Variants in PDE4D observed in about 807,000 individuals in gnomAD.
PDE4D encodes the protein phosphodiesterase 4D, also known as 3',5'-cyclic-AMP phosphodiesterase 4D.
Under a neutral mutation model 87.4 loss-of-function variants are expected in PDE4D, and 24 were observed. The ratio of observed to expected loss-of-function variants is 0.27; its 90% confidence interval spans 0.20 to 0.39. The LOEUF is 0.39. PDE4D is among the 10% of genes least tolerant of loss of function. The pLI, the probability that PDE4D is intolerant of heterozygous loss-of-function variation, is 1.00. For missense variants in PDE4D, 714 were observed against 1,041.0 expected, an observed-to-expected ratio of 0.69 and a Z score of 4.32; for synonymous variants, 384 against 383.2, an observed-to-expected ratio of 1.00 and a Z score of -0.02.
chr5:60,269,780 G>A (rs1201766447), intron 1 of PDE4D, among the ~76,000 whole-genome samples: 3 of 152,250 alleles, frequency 2.0e-5, no homozygotes, highest in South Asian at 2.1e-4. Context: ...ATTTCACAAT[G>A]TATACATGTA....
intron 2 of PDE4D, among the ~76,000 whole-genome samples, chr5:60,016,116 G>A (rs1765494452): frequency 6.6e-6 from 1 of 151,824 alleles, no homozygotes; most frequent in Admixed American, 6.6e-5. Context: ...AGATATAGCA[G>A]GTACAGTTTC....
At chr5:59,936,899 G>T (rs1268202177) in intron 3 of PDE4D, among the ~76,000 whole-genome samples, 3 of 152,134 alleles carry the variant, frequency 2.0e-5, no homozygotes, top group African/African-American at 7.2e-5. Flanking sequence ...GAGTTCCAAG[G>T]TTGAGGAGAA....
chr5:60,247,751 G>C (rs1747960477), intron 1 of PDE4D, among the ~76,000 whole-genome samples: 1 of 151,830 alleles, frequency 6.6e-6, no homozygotes, highest in African/African-American at 2.4e-5. Flanking sequence ...ACACAAGACA[G>C]AGACAGAGAA....
intron 1 of PDE4D, among the ~76,000 whole-genome samples, chr5:60,514,220 A>T (rs765582280): frequency 1.1e-4 from 16 of 152,042 alleles, no homozygotes; most frequent in Non-Finnish European, 1.8e-4. Flanking sequence ...AAGCAAATAA[A>T]CTTGTTTATA....
At chr5:59,014,195 G>A (rs1022401207) in intron 6 of PDE4D, among the ~76,000 whole-genome samples, 4 of 152,118 alleles carry the variant, frequency 2.6e-5, no homozygotes, top group Non-Finnish European at 5.9e-5. Flanking sequence ...ATATCATACT[G>A]AATGGGCAAA....
At chr5:59,753,746 G>A (rs1242008764) in intron 1 of PDE4D, among the ~76,000 whole-genome samples, 1 of 152,218 alleles carries the variant, frequency 6.6e-6, no homozygotes, top group Non-Finnish European at 1.5e-5. Context: ...TATCAACAAA[G>A]AGGGATGAGC....
chr5:60,288,629 A>G (rs6893928), intron 1 of PDE4D, among the ~76,000 whole-genome samples: 4,440 of 152,320 alleles, frequency 0.029, 154 homozygotes, highest in African/African-American at 0.083. Flanking sequence ...TGGATATTTT[A>G]TTTCACAGAC....
rs1742837558 is a variant in PDE4D, at chr5:58,972,765, C to T, written c.*1899G>A. ...AGAATTAAATGCCCCATGATGCCAA[C>T]TGCTATAATCAGGTAAACACTAGGA... is the stretch of plus-strand genomic sequence containing the variant. On this transcript the variant is annotated 3_prime_UTR_variant, in exon 15 of 15. Transcript: ENST00000340635. 6.6e-6 allele frequency: 1 copy of T among 152,182 alleles called. No homozygotes were observed. 9.4% of individuals were successfully genotyped at this position (152,182 alleles called of 1,614,324 possible).
At chr5:60,157,174 A>G (rs1325757053) in intron 2 of PDE4D, among the ~76,000 whole-genome samples, 2 of 152,162 alleles carry the variant, frequency 1.3e-5, no homozygotes, top group East Asian at 3.8e-4. Flanking sequence ...ATATGTTTAA[A>G]TCATTGTTGG....
intron 1 of PDE4D, among the ~76,000 whole-genome samples, chr5:60,216,668 T>G (rs1438773086): frequency 3.9e-5 from 6 of 151,996 alleles, no homozygotes; most frequent in Admixed American, 3.9e-4. Context: ...CAAAATAAAC[T>G]TTAAATCAAA....
chr5:59,578,131 T>C (rs1823486637), intron 1 of PDE4D, among the ~76,000 whole-genome samples: 1 of 152,168 alleles, frequency 6.6e-6, no homozygotes, highest in South Asian at 2.1e-4. Context: ...CTGAATCATT[T>C]TGGCTTTTCT....
intron 1 of PDE4D, among the ~76,000 whole-genome samples, chr5:59,428,779 T>C (rs1795682855): frequency 6.6e-6 from 1 of 152,206 alleles, no homozygotes. Flanking sequence ...TGTTGTCATA[T>C]TTATCCTTTC....
chr5:60,360,907 T>C (rs1327779467), intron 1 of PDE4D, among the ~76,000 whole-genome samples: 3 of 152,252 alleles, frequency 2.0e-5, no homozygotes, highest in African/African-American at 7.2e-5. Flanking sequence ...AGTGTTTACT[T>C]GAATTATTAG....
intron 1 of PDE4D, among the ~76,000 whole-genome samples, chr5:60,191,203 G>T (rs1785171576): frequency 6.6e-6 from 1 of 151,922 alleles, no homozygotes; most frequent in South Asian, 2.1e-4. Context: ...TCATCTACTA[G>T]CTAACATTTT....
intron 2 of PDE4D, among the ~76,000 whole-genome samples, chr5:60,081,790 G>A (rs1773982454): frequency 6.6e-6 from 1 of 152,200 alleles, no homozygotes; most frequent in Non-Finnish European, 1.5e-5. Context: ...TCTGGCTTGT[G>A]GAGTTTCTGC....
chr5:59,514,602 C>T (rs950808020), intron 1 of PDE4D, among the ~76,000 whole-genome samples: 6 of 152,188 alleles, frequency 3.9e-5, no homozygotes, highest in Non-Finnish European at 8.8e-5. Context: ...TACTGAATTA[C>T]ATTTAAGATT....
At chr5:59,525,908 T>C (rs1813049889) in intron 1 of PDE4D, among the ~76,000 whole-genome samples, 1 of 152,194 alleles carries the variant, frequency 6.6e-6, no homozygotes, top group Admixed American at 6.5e-5. Flanking sequence ...TCCTGAAGCC[T>C]TTCCAGTCAT....
At chr5:59,577,648 A>C (rs961851646) in intron 1 of PDE4D, among the ~76,000 whole-genome samples, 1 of 152,192 alleles carries the variant, frequency 6.6e-6, no homozygotes, top group African/African-American at 2.4e-5. Flanking sequence ...TTAGAGTTTT[A>C]GAGCCACAGC....
At chr5:59,582,742 G>A (rs905020752) in intron 1 of PDE4D, among the ~76,000 whole-genome samples, 2 of 152,098 alleles carry the variant, frequency 1.3e-5, no homozygotes, top group Non-Finnish European at 2.9e-5. Context: ...AGAATTTAGG[G>A]TCCTAGAAGA....
Sources: gnomAD v4.1 joint callset for allele counts (sites outside exome capture counted in the v4.1 genomes callset) on GRCh38, gnomAD v4.1.1 for gene constraint, MANE v1.5 for transcripts, NCBI Gene and HGNC (gene_info 2026-07-23, HGNC 2026-07-21) for gene names.